Variants in DDX4 observed in about 807,000 individuals in gnomAD.
The protein encoded by DDX4 is DEAD-box helicase 4, also known as probable ATP-dependent RNA helicase DDX4.
DDX4 carries 25 observed loss-of-function variants against 100.0 expected under a neutral mutation model. The ratio of observed to expected loss-of-function variants is 0.25; its 90% confidence interval spans 0.18 to 0.35. DDX4 has a LOEUF of 0.35. DDX4 is among the 10% of genes least tolerant of loss of function. The pLI is 1.00. For synonymous variants in DDX4, 259 were observed against 275.7 expected (o/e 0.94, Z 0.60); for missense variants, 635 against 882.4 (o/e 0.72, Z 3.55).
At chr5:55,744,441 A>G (rs1270450407) in intron 2 of DDX4, among the ~76,000 whole-genome samples, 7 of 152,224 alleles carry the variant, frequency 4.6e-5, no homozygotes, top group African/African-American at 1.4e-4. Context: ...GTGAGAAGAA[A>G]TAAAGATGTG....
At chr5:55,807,796 G>A (rs1011976335) in intron 18 of DDX4, among the ~76,000 whole-genome samples, 3 of 152,126 alleles carry the variant, frequency 2.0e-5, no homozygotes, top group Admixed American at 6.6e-5. Flanking sequence ...TGACAATTAT[G>A]TGTCTTGGAG....
At chr5:55,790,363 C>T (rs995472415) in intron 15 of DDX4, among the ~76,000 whole-genome samples, 10 of 152,144 alleles carry the variant, frequency 6.6e-5, no homozygotes, top group Non-Finnish European at 1.5e-4. Context: ...CCAGGCTGGT[C>T]TCAAACTCCT....
chr5:55,799,302 A>G (rs1461845440), intron 18 of DDX4, among the ~76,000 whole-genome samples: 5 of 152,194 alleles, frequency 3.3e-5, no homozygotes, highest in Admixed American at 1.3e-4. Context: ...GTTGGCCTCA[A>G]TCCTCCCACC....
At chr5:55,760,685 T>C (rs779263682) in intron 4 of DDX4, among the ~76,000 whole-genome samples, 4 of 152,324 alleles carry the variant, frequency 2.6e-5, no homozygotes, top group Middle Eastern at 3.4e-3. Context: ...AAACATTTGT[T>C]AGCTCATTAG....
intron 4 of DDX4, among the ~76,000 whole-genome samples, chr5:55,762,105 A>G (rs901658798): frequency 2.6e-5 from 4 of 152,090 alleles, no homozygotes; most frequent in African/African-American, 4.8e-5. Context: ...GGCATACACA[A>G]TTTTACAGGT....
At chr5:55,799,626 T>C (rs919026718) in intron 18 of DDX4, among the ~76,000 whole-genome samples, 12 of 152,214 alleles carry the variant, frequency 7.9e-5, no homozygotes, top group East Asian at 3.8e-4. Context: ...TCCACTCACA[T>C]TGGCCTCCCA....
At chr5:55,761,902 G>A (rs975984001) in intron 4 of DDX4, among the ~76,000 whole-genome samples, 5 of 152,120 alleles carry the variant, frequency 3.3e-5, no homozygotes, top group Non-Finnish European at 7.4e-5. Context: ...GAGCCACCAC[G>A]CCTGGACTGT....
chr5:55,795,464 C>G (rs1164056945), intron 17 of DDX4, among the ~76,000 whole-genome samples: 1 of 152,122 alleles, frequency 6.6e-6, no homozygotes, highest in Non-Finnish European at 1.5e-5. Flanking sequence ...TCTTTTAACT[C>G]CGCTTTTAAA....
At chr5:55,793,713 A>T (rs770921810) in intron 17 of DDX4, among the ~76,000 whole-genome samples, 2 of 152,210 alleles carry the variant, frequency 1.3e-5, no homozygotes, top group Non-Finnish European at 2.9e-5. Flanking sequence ...CATGCACCAT[A>T]TATGGATATT....
At chr5:55,766,979 C>T in intron 6 of DDX4, 1 of 1,532,958 alleles carries the variant, frequency 6.5e-7, no homozygotes, top group East Asian at 2.5e-5. Flanking sequence ...AGTTTTCAGG[C>T]AGCCTTCAGT....
At chr5:55,808,194 T>C (rs1431656920) in intron 18 of DDX4, among the ~76,000 whole-genome samples, 1 of 152,180 alleles carries the variant, frequency 6.6e-6, no homozygotes, top group African/African-American at 2.4e-5. Context: ...CTTCTCTGCA[T>C]TGGTTATTCT....
intron 4 of DDX4, among the ~76,000 whole-genome samples, chr5:55,762,171 GGTAA>G (rs1164667775): frequency 2.0e-5 from 3 of 152,076 alleles, no homozygotes; most frequent in Non-Finnish European, 2.9e-5. Flanking sequence ...GTTTTACAGA[GGTAA>G]GTAAGACAGT....
intron 17 of DDX4, among the ~76,000 whole-genome samples, chr5:55,796,315 A>G (rs1742932241): frequency 6.6e-6 from 1 of 152,188 alleles, no homozygotes; most frequent in Non-Finnish European, 1.5e-5. Flanking sequence ...AATATAATCA[A>G]GTTGACACCA....
intron 3 of DDX4, among the ~76,000 whole-genome samples, chr5:55,753,674 T>G (rs1440546221): frequency 6.9e-6 from 1 of 144,726 alleles, no homozygotes; most frequent in Non-Finnish European, 1.5e-5. Context: ...TGGTTCCATA[T>G]GAACTTTAAA....
intron 2 of DDX4, among the ~76,000 whole-genome samples, chr5:55,741,662 G>A (rs981395454): frequency 3.3e-5 from 5 of 152,132 alleles, no homozygotes; most frequent in East Asian, 1.9e-4. Context: ...GGTGGCACAC[G>A]CCAGTAGCCT....
At chr5:55,796,823 C>CTTTTTTTGTTTTTTT (rs1742981395) in intron 17 of DDX4, among the ~76,000 whole-genome samples, 1 of 59,936 alleles carries the variant, frequency 1.7e-5, no homozygotes, top group Non-Finnish European at 3.2e-5. Context: ...TTCTTTCTTT[C>CTTTTTTTGTTTTTTT]TTTTTTTTTT....
chr5:55,764,552 G>A (rs1444181115), intron 6 of DDX4, among the ~76,000 whole-genome samples: 3 of 152,112 alleles, frequency 2.0e-5, no homozygotes, highest in African/African-American at 7.2e-5. Context: ...GATGGACTAC[G>A]ATAAACCAGT....
chr5:55,745,346 A>G (rs571587968), intron 2 of DDX4, among the ~76,000 whole-genome samples: 4 of 152,356 alleles, frequency 2.6e-5, no homozygotes, highest in South Asian at 4.1e-4. Context: ...AACTTGGCAT[A>G]CAATAGTGTG....
At chr5:55,746,313 G>T in intron 3 of DDX4, 92 bp downstream of exon 3, 1 of 1,151,994 alleles carries the variant, frequency 8.7e-7, no homozygotes, top group Non-Finnish European at 1.2e-6. Flanking sequence ...ATCTTGTAGA[G>T]GGTGTTTTAA....
Sources: gnomAD v4.1 joint callset for allele counts (sites outside exome capture counted in the v4.1 genomes callset) on GRCh38, gnomAD v4.1.1 for gene constraint, MANE v1.5 for transcripts, NCBI Gene and HGNC (gene_info 2026-07-23, HGNC 2026-07-21) for gene names.